Variants in PEX14 observed in about 807,000 individuals in gnomAD.
PEX14 encodes the protein peroxisomal biogenesis factor 14, also known as peroxisomal membrane protein PEX14.
PEX14 carries 15 observed loss-of-function variants against 49.5 expected under a neutral mutation model. The observed-to-expected ratio is 0.30, with a 90% CI of 0.20 to 0.47. PEX14 has a LOEUF of 0.47. Ranked by LOEUF, PEX14 falls within the 20% of genes least tolerant of loss-of-function variation. The probability of loss-of-function intolerance (pLI) is 1.00; values close to 1 mark genes in which losing one functional copy is unlikely to be tolerated. For synonymous variants in PEX14, 210 were observed against 212.7 expected (o/e 0.99, Z 0.11); for missense variants, 398 against 494.8 (o/e 0.80, Z 1.86).
intron 3 of PEX14, among the ~76,000 whole-genome samples, chr1:10,594,309 C>A (rs1048517726): frequency 6.6e-6 from 1 of 152,174 alleles, no homozygotes; most frequent in East Asian, 1.9e-4. Context: ...TGTGCCGGGG[C>A]AGATAACTTA....
chr1:10,610,983 C>T (rs1053443085), intron 4 of PEX14, among the ~76,000 whole-genome samples: 2 of 152,034 alleles, frequency 1.3e-5, no homozygotes, highest in African/African-American at 2.4e-5. Context: ...TGCGGTTGCT[C>T]ACGCCTGTAA....
At chr1:10,520,609 AATTGC>A (rs1387234369) in intron 2 of PEX14, among the ~76,000 whole-genome samples, 1 of 152,152 alleles carries the variant, frequency 6.6e-6, no homozygotes, top group Non-Finnish European at 1.5e-5. Flanking sequence ...AGAAACACCT[AATTGC>A]ATCAAAACCA....
chr1:10,624,484 A>T (rs1361613761), intron 7 of PEX14, 47 bp downstream of exon 7: 8 of 1,278,406 alleles, frequency 6.3e-6, no homozygotes, highest in Non-Finnish European at 8.0e-6. Flanking sequence ...GGTCTGTCCC[A>T]TGTGCCCTTC....
At chr1:10,593,985 A>G (rs1212598100) in intron 3 of PEX14, among the ~76,000 whole-genome samples, 4 of 152,232 alleles carry the variant, frequency 2.6e-5, no homozygotes, top group Non-Finnish European at 5.9e-5. Flanking sequence ...GGAATAATAC[A>G]GGCTAATGAA....
At chr1:10,626,670 C>T (rs1421725964) in intron 7 of PEX14, among the ~76,000 whole-genome samples, 1 of 152,218 alleles carries the variant, frequency 6.6e-6, no homozygotes, top group Admixed American at 6.5e-5. Context: ...CCTGGGGTGG[C>T]CTTCAGCCTG....
At chr1:10,571,681 C>T (rs1030583013) in intron 3 of PEX14, among the ~76,000 whole-genome samples, 5 of 151,864 alleles carry the variant, frequency 3.3e-5, no homozygotes, top group Non-Finnish European at 5.9e-5. Flanking sequence ...TGGTGGTGGG[C>T]GCCTGTATTC....
intron 3 of PEX14, among the ~76,000 whole-genome samples, chr1:10,564,904 C>CTTTTTTTTTTTTTTTTT: frequency 8.0e-6 from 1 of 125,536 alleles, no homozygotes; most frequent in Non-Finnish European, 1.6e-5. Flanking sequence ...TTTTGTATAT[C>CTTTTTTTTTTTTTTTTT]TTTTTTTTTT....
chr1:10,503,120 T>G (rs1270115557), intron 2 of PEX14, among the ~76,000 whole-genome samples: 1 of 151,520 alleles, frequency 6.6e-6, no homozygotes, highest in East Asian at 1.9e-4. Flanking sequence ...GTCTTTAATC[T>G]TATCCCTGGC....
At chr1:10,589,285 G>A (rs1400968088) in intron 3 of PEX14, among the ~76,000 whole-genome samples, 2 of 152,118 alleles carry the variant, frequency 1.3e-5, no homozygotes, top group Admixed American at 6.5e-5. Flanking sequence ...AAGGGTATAT[G>A]GGAATGAGGT....
At chr1:10,520,153 T>TTTTTTTGTTTTTTTTG (rs1553185426) in intron 2 of PEX14, among the ~76,000 whole-genome samples, 9 of 91,914 alleles carry the variant, frequency 9.8e-5, no homozygotes, top group South Asian at 3.5e-4. Flanking sequence ...TTCTTCTTTT[T>TTTTTTTGTTTTTTTTG]TTTTTTTTTG....
At chr1:10,493,006 A>G (rs994789095) in intron 1 of PEX14, among the ~76,000 whole-genome samples, 2 of 152,194 alleles carry the variant, frequency 1.3e-5, no homozygotes, top group Non-Finnish European at 2.9e-5. Context: ...GAAGTGTCTT[A>G]GCTGGATCTG....
intron 2 of PEX14, among the ~76,000 whole-genome samples, chr1:10,499,779 G>C (rs1313592896): frequency 6.6e-6 from 1 of 152,156 alleles, no homozygotes; most frequent in South Asian, 2.1e-4. Context: ...ACTGATGACA[G>C]CAATTTCTAC....
chr1:10,593,688 G>A (rs1361534693), intron 3 of PEX14, among the ~76,000 whole-genome samples: 2 of 151,988 alleles, frequency 1.3e-5, no homozygotes, highest in African/African-American at 2.4e-5. Context: ...CAGGTTGGGG[G>A]GCTGGGGGAG....
intron 3 of PEX14, among the ~76,000 whole-genome samples, chr1:10,591,233 C>T (rs1479091410): frequency 1.3e-5 from 2 of 152,180 alleles, no homozygotes; most frequent in African/African-American, 4.8e-5. Context: ...GAACAGATGT[C>T]TGCCTTTTAA....
At chr1:10,616,286 C>T (rs1241098445) in intron 4 of PEX14, among the ~76,000 whole-genome samples, 1 of 152,152 alleles carries the variant, frequency 6.6e-6, no homozygotes, top group Non-Finnish European at 1.5e-5. Flanking sequence ...CACATCCTGC[C>T]CTGAGCTGAA....
intron 2 of PEX14, among the ~76,000 whole-genome samples, chr1:10,515,094 G>GCC (rs1354948547): frequency 2.0e-5 from 3 of 152,148 alleles, no homozygotes; most frequent in African/African-American, 2.4e-5. Context: ...CAGCAGCATG[G>GCC]ATCTGTGCCA....
chr1:10,531,875 C>T (rs79361756), intron 2 of PEX14, among the ~76,000 whole-genome samples: 2,189 of 152,182 alleles, frequency 0.014, 64 homozygotes, highest in African/African-American at 0.05. Flanking sequence ...CTGTCCCCCT[C>T]GTGCAGAAAA....
chr1:10,601,133 G>A (rs1350327041), intron 4 of PEX14, among the ~76,000 whole-genome samples: 16 of 151,998 alleles, frequency 1.1e-4, no homozygotes, highest in African/African-American at 2.7e-4. Context: ...ATGGTGGCGG[G>A]TGCTTGTAAT....
In PEX14 at chr1:10,571,960, T is replaced by G. The variant is rs114804969; in HGVS notation, c.170-27278T>G. ...TTCATAATCTTCCCTTCAACCATCA[T>G]CAGTTTGTAGGATATCTGGAAAAAT... On this transcript the variant is annotated intron_variant, in intron 3 of 8. Coordinates refer to ENST00000356607, the MANE Select transcript of PEX14 (RefSeq NM_004565.3). Among the ~76,000 whole-genome samples, 748 of 152,288 alleles carry G rather than the reference T, an allele frequency of 4.9e-3. 3 individuals are homozygous for G. The highest frequency in any genetic ancestry group is 0.017 in the African/African-American group (703 of 41,544).
Sources: gnomAD v4.1 joint callset for allele counts (sites outside exome capture counted in the v4.1 genomes callset) on GRCh38, gnomAD v4.1.1 for gene constraint, MANE v1.5 for transcripts, NCBI Gene and HGNC (gene_info 2026-07-23, HGNC 2026-07-21) for gene names.